The following PELI2 variants were observed in gnomAD, a reference collection of about 807,000 sequenced individuals.
PELI2 encodes the protein E3 ubiquitin-protein ligase pellino homolog 2.
In PELI2, 23 loss-of-function variants were observed where a neutral mutation model predicts 42.3. The ratio of observed to expected loss-of-function variants is 0.54; its 90% CI spans 0.39 to 0.77. PELI2 has a LOEUF of 0.77. PELI2 is among the 30% of genes least tolerant of loss of function. PELI2 has a pLI of 0.00. For synonymous variants in PELI2, 245 were observed against 212.2 expected (o/e 1.15, Z -1.34); for missense variants, 463 against 553.2 (o/e 0.84, Z 1.64).
chr14:56,227,935 C>A (rs1566650144), intron 2 of PELI2, among the ~76,000 whole-genome samples: 1 of 152,112 alleles, frequency 6.6e-6, no homozygotes. Context: ...AAGTTACCCA[C>A]CAAAAAAATG....
At chr14:56,267,479 C>G (rs1888948661) in intron 2 of PELI2, among the ~76,000 whole-genome samples, 1 of 152,116 alleles carries the variant, frequency 6.6e-6, no homozygotes, top group Non-Finnish European at 1.5e-5. Flanking sequence ...TTGTGAATGG[C>G]ATTGCGTGGC....
intron 1 of PELI2, among the ~76,000 whole-genome samples, chr14:56,166,100 T>C (rs918165366): frequency 6.6e-6 from 1 of 151,966 alleles, no homozygotes; most frequent in Non-Finnish European, 1.5e-5. Flanking sequence ...TTTTCTCTGG[T>C]GATATGACTT....
At chr14:56,255,454 G>C (rs1160805091) in intron 2 of PELI2, among the ~76,000 whole-genome samples, 1 of 152,136 alleles carries the variant, frequency 6.6e-6, no homozygotes, top group Non-Finnish European at 1.5e-5. Flanking sequence ...CATGGACACA[G>C]GGAGGGAAAC....
chr14:56,242,247 A>G (rs1463193058), intron 2 of PELI2, among the ~76,000 whole-genome samples: 1 of 152,266 alleles, frequency 6.6e-6, no homozygotes, highest in Non-Finnish European at 1.5e-5. Flanking sequence ...CAAGAGAAAC[A>G]GAGTTATTGA....
chr14:56,128,294 A>C (rs968169966), intron 1 of PELI2, among the ~76,000 whole-genome samples: 93 of 152,286 alleles, frequency 6.1e-4, no homozygotes, highest in Non-Finnish European at 1.5e-4. Context: ...ACAAATCATT[A>C]ATTAGGGTGT....
chr14:56,301,501 T>A lies in PELI2; in HGVS notation c.*4335T>A, dbSNP rs1327848367. The A allele has an allele frequency of 6.6e-6, 1 of 152,240 alleles. No homozygotes were observed. Among genetic ancestry groups the A allele is most frequent in the Non-Finnish European group, 1.5e-5 (1 of 68,034 alleles). 9.4% of individuals were successfully genotyped at this position (152,240 alleles called of 1,614,324 possible). On this transcript the variant is annotated 3_prime_UTR_variant, in exon 6 of 6. Transcript: ENST00000267460. ...TCTGAAAATCCCCTACATTTTTTAA[T>A]TAAAGAAATTTCCTTGGTGCCTATA...
chr14:56,189,440 T>A (rs1403036622), intron 2 of PELI2, among the ~76,000 whole-genome samples: 1 of 152,182 alleles, frequency 6.6e-6, no homozygotes. Flanking sequence ...ATGCTTTTGT[T>A]GCACTGGCTA....
intron 2 of PELI2, among the ~76,000 whole-genome samples, chr14:56,255,550 G>A (rs1888498393): frequency 6.6e-6 from 1 of 152,116 alleles, no homozygotes; most frequent in South Asian, 2.1e-4. Context: ...AGGTTGATGG[G>A]TGCAGCAAAC....
intron 2 of PELI2, among the ~76,000 whole-genome samples, chr14:56,251,097 C>T (rs535404958): frequency 6.6e-6 from 1 of 152,180 alleles, no homozygotes; most frequent in South Asian, 2.1e-4. Flanking sequence ...GCACCATCTC[C>T]CAGGCATTTC....
At chr14:56,164,368 C>A (rs1399822643) in intron 1 of PELI2, among the ~76,000 whole-genome samples, 2 of 152,104 alleles carry the variant, frequency 1.3e-5, no homozygotes, top group Non-Finnish European at 1.5e-5. Context: ...GTTGAACCAT[C>A]CTTGCATCCC....
chr14:56,203,981 A>G (rs1052643446), intron 2 of PELI2, among the ~76,000 whole-genome samples: 2 of 152,214 alleles, frequency 1.3e-5, no homozygotes, highest in Non-Finnish European at 2.9e-5. Context: ...GCCCTGCTTT[A>G]GCAAGAAAAA....
intron 2 of PELI2, among the ~76,000 whole-genome samples, chr14:56,245,184 C>T (rs1888107563): frequency 6.6e-6 from 1 of 152,126 alleles, no homozygotes; most frequent in South Asian, 2.1e-4. Flanking sequence ...TGGGTTCATC[C>T]TTGGTGGAAA....
chr14:56,300,048 A>G lies in PELI2; in HGVS notation c.*2882A>G, dbSNP rs1479821019. 6.6e-6 allele frequency: 1 copy of G among 152,658 alleles called. No homozygotes were observed. Among genetic ancestry groups the G allele is most frequent in the Non-Finnish European group, 1.5e-5 (1 of 68,044 alleles). 9.5% of individuals were successfully genotyped at this position (152,658 alleles called of 1,614,324 possible). ...GGTTCAGCTTTTAGCAAAAAGGGCTACAGTTCACCCTGCAGAGTATTAAGG... is the reference window on the plus strand; with the variant it reads ...GGTTCAGCTTTTAGCAAAAAGGGCTGCAGTTCACCCTGCAGAGTATTAAGG... On this transcript the variant is annotated 3_prime_UTR_variant, in exon 6 of 6. Transcript: ENST00000267460.
intron 1 of PELI2, among the ~76,000 whole-genome samples, chr14:56,177,645 T>G (rs1214055368): frequency 9.9e-5 from 15 of 152,218 alleles, no homozygotes. Context: ...GGAAACCTGC[T>G]TAAGGACATT....
chr14:56,199,215 T>C (rs1886245985), intron 2 of PELI2, among the ~76,000 whole-genome samples: 1 of 152,234 alleles, frequency 6.6e-6, no homozygotes, highest in South Asian at 2.1e-4. Context: ...AGAGTCATCA[T>C]GTGATGCTTC....
At chr14:56,189,540 C>T (rs971565836) in intron 2 of PELI2, among the ~76,000 whole-genome samples, 4 of 152,192 alleles carry the variant, frequency 2.6e-5, no homozygotes, top group African/African-American at 9.7e-5. Context: ...CAGCTAGTGA[C>T]TCAGGATGGG....
chr14:56,213,382 TGA>T (rs1886779291), intron 2 of PELI2, among the ~76,000 whole-genome samples: 1 of 152,226 alleles, frequency 6.6e-6, no homozygotes, highest in Non-Finnish European at 1.5e-5. Context: ...GGGAATTAGC[TGA>T]TTGGATACCC....
At chr14:56,153,819 T>G (rs1884453400) in intron 1 of PELI2, among the ~76,000 whole-genome samples, 1 of 152,158 alleles carries the variant, frequency 6.6e-6, no homozygotes, top group South Asian at 2.1e-4. Flanking sequence ...AGAGATAATG[T>G]GTGGATTAGT....
At chr14:56,131,387 G>C (rs1242524011) in intron 1 of PELI2, among the ~76,000 whole-genome samples, 1 of 152,170 alleles carries the variant, frequency 6.6e-6, no homozygotes, top group African/African-American at 2.4e-5. Flanking sequence ...ATGACCCAGA[G>C]TTTCTGAAAA....
Sources: allele counts gnomAD v4.1 joint callset (sites outside exome capture counted in the v4.1 genomes callset), GRCh38; gene constraint gnomAD v4.1.1; transcripts MANE v1.5; gene names NCBI Gene and HGNC (gene_info 2026-07-23, HGNC 2026-07-21).